Variants in TRMT11 observed in about 807,000 individuals in gnomAD.
TRMT11 encodes tRNA methyltransferase 11.
In TRMT11, 53 loss-of-function variants were observed where a neutral mutation model predicts 62.8. That is an observed-to-expected ratio of 0.84 (90% CI 0.68 to 1.06). The LOEUF (loss-of-function observed/expected upper bound fraction) is 1.06. TRMT11 is among the 50% of genes least tolerant of loss of function. The pLI is 0.00. For synonymous variants in TRMT11, 188 were observed against 190.3 expected, an observed-to-expected ratio of 0.99 and a Z score of 0.10; for missense variants, 556 against 553.4, an observed-to-expected ratio of 1.00 and a Z score of -0.05.
At chr6:126,166,884 C>T (rs951458330) in intron 21 of TRMT11, among the ~76,000 whole-genome samples, 24 of 152,214 alleles carry the variant, frequency 1.6e-4, no homozygotes, top group Middle Eastern at 3.4e-3. Context: ...GCACCCAGTT[C>T]GAACTTCCTG....
the TRMT11 span, among the ~76,000 whole-genome samples, chr6:126,235,002 T>C: frequency 6.6e-6 from 1 of 152,256 alleles, no homozygotes; most frequent in South Asian, 2.1e-4. Context: ...GTTTGAAATT[T>C]ACAAGGAATA....
chr6:126,220,387 A>C, the TRMT11 span, among the ~76,000 whole-genome samples: 1 of 152,228 alleles, frequency 6.6e-6, no homozygotes, highest in African/African-American at 2.4e-5. Context: ...AGGTTTGCCC[A>C]CAAACCCCTG....
intron 21 of TRMT11, among the ~76,000 whole-genome samples, chr6:126,153,789 T>C (rs1385065110): frequency 1.3e-5 from 2 of 152,258 alleles, no homozygotes; most frequent in African/African-American, 4.8e-5. Flanking sequence ...ATGTCTAATT[T>C]AACTGTTTAA....
intron 21 of TRMT11, among the ~76,000 whole-genome samples, chr6:126,134,053 T>C (rs928324415): frequency 5.3e-5 from 8 of 151,796 alleles, no homozygotes; most frequent in Non-Finnish European, 1.0e-4. Flanking sequence ...GAGCAAAAAA[T>C]TAATAAGATT....
At chr6:126,188,565 A>G (rs1046640817) in intron 1 of TRMT11, among the ~76,000 whole-genome samples, 1 of 152,144 alleles carries the variant, frequency 6.6e-6, no homozygotes, top group African/African-American at 2.4e-5. Flanking sequence ...GTTAAATTCT[A>G]TTCAAAGTGA....
intron 17 of TRMT11, among the ~76,000 whole-genome samples, chr6:126,073,551 A>G (rs567557981): frequency 6.6e-6 from 1 of 152,302 alleles, no homozygotes; most frequent in South Asian, 2.1e-4. Context: ...CACAGTCACA[A>G]CATGAGACCA....
intron 17 of TRMT11, among the ~76,000 whole-genome samples, chr6:126,062,621 A>T (rs1163676112): frequency 6.6e-6 from 1 of 152,212 alleles, no homozygotes; most frequent in African/African-American, 2.4e-5. Context: ...TGAATGAATA[A>T]CTTATCAATC....
intron 17 of TRMT11, among the ~76,000 whole-genome samples, chr6:126,106,423 G>T (rs533390996): frequency 4.6e-4 from 70 of 152,260 alleles, no homozygotes; most frequent in Admixed American, 3.9e-4. Flanking sequence ...AGGATTACAG[G>T]AGTGAGTCAC....
intron 16 of TRMT11, among the ~76,000 whole-genome samples, chr6:126,052,316 T>A (rs1776242809): frequency 6.6e-6 from 1 of 152,184 alleles, no homozygotes; most frequent in Non-Finnish European, 1.5e-5. Flanking sequence ...CTGTTTGGGC[T>A]CCAGACGCAG....
chr6:126,068,476 G>A lies in TRMT11; in HGVS notation c.*1437+15286G>A, dbSNP rs552083126. Among the ~76,000 whole-genome samples the A allele has an allele frequency of 3.9e-5, 6 of 152,280 alleles. No individual in the cohort carries two copies. In the South Asian group the frequency reaches 8.3e-4, roughly 21 times the overall value. ...GAGGTAATTTTAATGTGTGGTGTGA[G>A]TTAGGGATGTCAACATCATCTATGT... On this transcript the variant is annotated intron_variant and NMD_transcript_variant, in intron 17 of 22. Coordinates refer to the TRMT11 transcript ENST00000648977.
intron 21 of TRMT11, among the ~76,000 whole-genome samples, chr6:126,135,646 A>C (rs1178375674): frequency 6.6e-6 from 1 of 151,876 alleles, no homozygotes. Flanking sequence ...TACAGCCAGC[A>C]TTAAGCTAAT....
At chr6:126,074,840 A>G (rs1776967824) in intron 17 of TRMT11, among the ~76,000 whole-genome samples, 1 of 152,186 alleles carries the variant, frequency 6.6e-6, no homozygotes, top group Non-Finnish European at 1.5e-5. Flanking sequence ...ATAATTAAAC[A>G]ATTATTTTCA....
chr6:126,101,881 CA>C (rs1389669199), intron 17 of TRMT11, among the ~76,000 whole-genome samples: 1 of 152,174 alleles, frequency 6.6e-6, no homozygotes, highest in Admixed American at 6.5e-5. Context: ...TCAAATATAC[CA>C]AGATGCCTTA....
At chr6:126,057,522 CAG>C (rs778183418) in intron 17 of TRMT11, among the ~76,000 whole-genome samples, 9 of 152,180 alleles carry the variant, frequency 5.9e-5, no homozygotes, top group Non-Finnish European at 1.2e-4. Flanking sequence ...GAATGTAAAT[CAG>C]AGCTCTGAAC....
the TRMT11 span, among the ~76,000 whole-genome samples, chr6:126,221,307 T>C: frequency 3.3e-5 from 5 of 152,200 alleles, no homozygotes; most frequent in African/African-American, 9.6e-5. Flanking sequence ...GAATGGTAGT[T>C]CTGTTTTAAG....
intron 21 of TRMT11, among the ~76,000 whole-genome samples, chr6:126,125,876 C>G (rs747543017): frequency 2.6e-4 from 39 of 152,048 alleles, no homozygotes; most frequent in South Asian, 6.2e-4. Flanking sequence ...ACTATATTGT[C>G]AACATTTAAA....
chr6:126,096,656 A>T (rs534693706), intron 17 of TRMT11, among the ~76,000 whole-genome samples: 2 of 152,182 alleles, frequency 1.3e-5, no homozygotes, highest in South Asian at 4.2e-4. Flanking sequence ...TCTGTAAGTC[A>T]GGATGAGTCT....
upstream of TRMT11, among the ~76,000 whole-genome samples, chr6:126,175,108 A>G (rs1407437651): frequency 2.0e-5 from 3 of 152,236 alleles, no homozygotes; most frequent in Admixed American, 1.3e-4. Context: ...AATGTTTTGT[A>G]TCATTGACTA....
chr6:126,174,597 T>C (rs913832549), upstream of TRMT11, among the ~76,000 whole-genome samples: 2 of 152,220 alleles, frequency 1.3e-5, no homozygotes, highest in Non-Finnish European at 2.9e-5. Flanking sequence ...CCCTGGCAGT[T>C]AATATAAATG....
Sources: gnomAD v4.1 joint callset for allele counts (sites outside exome capture counted in the v4.1 genomes callset) on GRCh38, gnomAD v4.1.1 for gene constraint, MANE v1.5 for transcripts, NCBI Gene and HGNC (gene_info 2026-07-23, HGNC 2026-07-21) for gene names.